Variants in SHROOM2 observed in about 807,000 individuals in gnomAD.
SHROOM2 encodes shroom family member 2, also known as protein Shroom2.
Under a neutral mutation model 75.9 loss-of-function variants are expected in SHROOM2, and 33 were observed. That is an observed-to-expected ratio of 0.43 (90% CI 0.33 to 0.58). SHROOM2 has a LOEUF of 0.58. Ranked by LOEUF, SHROOM2 falls within the 20% of genes least tolerant of loss-of-function variation. The pLI, the probability that SHROOM2 is intolerant of heterozygous loss-of-function variation, is 0.04. For missense variants in SHROOM2, 1,434 were observed against 1,461.2 expected, an observed-to-expected ratio of 0.98 and a Z score of 0.30; for synonymous variants, 655 against 663.6, an observed-to-expected ratio of 0.99 and a Z score of 0.20.
At chrX:9,877,915 A>G (rs1419277903) in intron 2 of SHROOM2, among the ~76,000 whole-genome samples, 1 of 110,780 alleles carries the variant, frequency 9.0e-6, no homozygotes, top group Non-Finnish European at 1.9e-5. Flanking sequence ...GGCTCATCCT[A>G]TCCACTCGGT....
chrX:9,848,239 T>C lies in SHROOM2; in HGVS notation c.166-25413T>C, dbSNP rs1003869862. Reference sequence around the variant, plus strand: ...GAAAAGCATGGCCGGGCGCGGTGGCTCACGCCTGTAATCCCAGCACTTTGG... The same window carrying C: ...GAAAAGCATGGCCGGGCGCGGTGGCCCACGCCTGTAATCCCAGCACTTTGG... On this transcript the variant is annotated intron_variant, in intron 1 of 9. Transcript: ENST00000380913. Among the ~76,000 whole-genome samples the C allele has an allele frequency of 8.2e-5, 9 of 109,794 alleles. No homozygotes were observed. The East Asian group carries it at 1.4e-3, about 17-fold the overall frequency.
At position 9,949,113 on chromosome X, in the gene SHROOM2, A is replaced by T. The variant is rs1210496090; in HGVS notation, c.*2176A>T. 4.4e-6 allele frequency: 1 copy of T among 229,314 alleles called. No homozygotes were observed. Among genetic ancestry groups the T allele is most frequent in the African/African-American group, 2.9e-5 (1 of 34,678 alleles). The allele number at this position is 229,314 out of a possible 1,213,427, so 18.9% of individuals were successfully genotyped here. A position where few individuals can be genotyped will look rare whatever the true frequency, so the allele number is the denominator to read the frequency against. The stretch of plus-strand genomic sequence containing the variant: ...AGCACATAGAGCCAGCTGTCCTGTC[A>T]GTTCCCCTGTTTGCCTCTGAAACGT... On this transcript the variant is annotated 3_prime_UTR_variant, in exon 10 of 10. Transcript: ENST00000380913.
At chrX:9,786,831 G>A (rs962165547) in intron 1 of SHROOM2, 121 bp downstream of exon 1, 1 of 523,777 alleles carries the variant, frequency 1.9e-6, no homozygotes, top group Non-Finnish European at 2.5e-6. Context: ...GCGCGCGTCT[G>A]CTGGGGTCAC....
chrX:9,800,078 A>G (rs1037016392), intron 1 of SHROOM2, among the ~76,000 whole-genome samples: 4 of 111,248 alleles, frequency 3.6e-5, no homozygotes, highest in Non-Finnish European at 7.5e-5. Flanking sequence ...TTGGAGCCTA[A>G]ATACGGGGTG....
intron 1 of SHROOM2, among the ~76,000 whole-genome samples, chrX:9,793,827 C>G (rs2146724612): frequency 9.1e-6 from 1 of 109,934 alleles, no homozygotes; most frequent in East Asian, 2.9e-4. Context: ...TCACTGCAGC[C>G]TCCATCTCCT....
rs138384773 is a variant in SHROOM2 at position 9,811,949 on chromosome X, C to T, written c.165+25239C>T. Among the ~76,000 whole-genome samples, 26 of 111,248 alleles carry T rather than the reference C, an allele frequency of 2.3e-4. 1 individual carries two copies. The East Asian group carries it at 7.4e-3, about 32-fold the overall frequency. On this transcript the variant is annotated intron_variant, in intron 1 of 9. Transcript: ENST00000380913. ...TTCAGGACCTGCTTGAGCCCGATCA[C>T]GTATATACCACTTCCATTTGATGAT... is the stretch of plus-strand genomic sequence containing the variant.
chrX:9,803,140 A>G (rs2083733497), intron 1 of SHROOM2, among the ~76,000 whole-genome samples: 2 of 99,024 alleles, frequency 2.0e-5, no homozygotes, highest in Admixed American at 1.1e-4. Context: ...GGGTCTTACT[A>G]TGTTGCCCAG....
intron 1 of SHROOM2, among the ~76,000 whole-genome samples, chrX:9,856,910 C>A (rs1235213312): frequency 8.9e-6 from 1 of 112,627 alleles, no homozygotes; most frequent in Non-Finnish European, 1.9e-5. Context: ...GCACATGCCA[C>A]CCTGCGCTGC....
chrX:9,792,159 T>TAAGAATAGAATAGAATAGA, intron 1 of SHROOM2, among the ~76,000 whole-genome samples: 1 of 7,395 alleles, frequency 1.4e-4, no homozygotes, highest in East Asian at 1.7e-3. Context: ...TAGAATAGAA[T>TAAGAATAGAATAGAATAGA]AATCACCAGT....
chrX:9,941,317 G>A (rs1289833995), intron 8 of SHROOM2, among the ~76,000 whole-genome samples: 1 of 111,690 alleles, frequency 9.0e-6, no homozygotes, highest in Admixed American at 9.5e-5. Flanking sequence ...CTCCTGGAAA[G>A]CCACGCACTG....
In SHROOM2 at chrX:9,861,094, C is replaced by T. The variant is rs983484863; in HGVS notation, c.166-12558C>T. On this transcript the variant is annotated intron_variant, in intron 1 of 9. Transcript: ENST00000380913. ...TCTAGAGATCTCTTACACAACAATG[C>T]GATTATAGTTAATGCTACTGAACTC... Among the ~76,000 whole-genome samples the T allele has an allele frequency of 2.7e-5, 3 of 112,036 alleles. No individual in the cohort carries two copies. The Admixed American group carries it at 2.8e-4, about 11-fold the overall frequency.
In SHROOM2 at chrX:9,880,324, C is replaced by T. The variant is rs141543333; in HGVS notation, c.317+6521C>T. ...ACAGGTAGATGAGGCCTTTGCAGGT[C>T]GAGACGTCCCCAAAGGCTCTGTCTG... On this transcript the variant is annotated intron_variant, in intron 2 of 9. Transcript: ENST00000380913. Among the ~76,000 whole-genome samples, 443 of 112,711 alleles carry T rather than the reference C, an allele frequency of 3.9e-3. 2 individuals are homozygous for T. Among genetic ancestry groups the T allele is most frequent in the Middle Eastern group, 4.7e-3 (1 of 214 alleles).
chrX:9,943,630 G>A (rs1239074963), intron 8 of SHROOM2, among the ~76,000 whole-genome samples: 2 of 111,821 alleles, frequency 1.8e-5, no homozygotes, highest in African/African-American at 3.3e-5. Flanking sequence ...GGTGGTGACA[G>A]GTGCATCGCA....
Position 9,786,533 on chromosome X carries a change from G to T in SHROOM2, c.-13G>T. 2.4e-6 allele frequency: 2 copies of T among 846,509 alleles called. No homozygotes were observed. Among genetic ancestry groups the T allele is most frequent in the Admixed American group, 6.9e-5 (1 of 14,457 alleles). 69.8% of individuals were successfully genotyped at this position (846,509 alleles called of 1,213,427 possible). On this transcript the variant is annotated 5_prime_UTR_variant, in exon 1 of 10. It removes the in-frame stop codon of an upstream open reading frame in the 5' UTR. Transcript: ENST00000380913. ...TGCATGGGCGCGGGCCAGGGACGCT[G>T]AGCGGTCGCGCCATGGAGGGCGCCG...
chrX:9,795,562 C>T (rs2083690788), intron 1 of SHROOM2, among the ~76,000 whole-genome samples: 1 of 111,322 alleles, frequency 9.0e-6, no homozygotes, highest in Non-Finnish European at 1.9e-5. Flanking sequence ...TTTGTTTTGG[C>T]TGCTTTCTTC....
chrX:9,874,568 C>T (rs1321598806), intron 2 of SHROOM2: 1 of 111,738 alleles, frequency 8.9e-6, no homozygotes, highest in Non-Finnish European at 1.9e-5. Context: ...ATGAAGATAT[C>T]TTCCTTGTTT....
intron 1 of SHROOM2, among the ~76,000 whole-genome samples, chrX:9,870,630 G>A (rs1000155293): frequency 6.2e-5 from 7 of 112,139 alleles, no homozygotes; most frequent in African/African-American, 2.3e-4. Context: ...CAGTTTAGAG[G>A]AGAAACATCT....
In SHROOM2 at chrX:9,854,706, G is replaced by C. The variant is rs753446748; in HGVS notation, c.166-18946G>C. Among the ~76,000 whole-genome samples, 3 of 111,447 alleles carry C rather than the reference G, an allele frequency of 2.7e-5. No individual in the cohort carries two copies. The South Asian group carries it at 1.1e-3, about 42-fold the overall frequency. On this transcript the variant is annotated intron_variant, in intron 1 of 9. Coordinates refer to ENST00000380913, the MANE Select transcript of SHROOM2 (RefSeq NM_001649.4). ...TTTTAAGAGTGGGAATCACAGCTTGGGGGGCAGGGAGTTGAGAGCTTCTGC... is the reference window on the plus strand; with the variant it reads ...TTTTAAGAGTGGGAATCACAGCTTGCGGGGCAGGGAGTTGAGAGCTTCTGC...
chrX:9,786,755 C>T, intron 1 of SHROOM2, 45 bp downstream of exon 1: 1 of 848,860 alleles, frequency 1.2e-6, no homozygotes, highest in Non-Finnish European at 1.4e-6. Context: ...GGGAGCTGGC[C>T]GCCCTGCGGG....
Sources: allele counts gnomAD v4.1 joint callset (sites outside exome capture counted in the v4.1 genomes callset), GRCh38; gene constraint gnomAD v4.1.1; transcripts MANE v1.5; gene names NCBI Gene and HGNC (gene_info 2026-07-23, HGNC 2026-07-21).